The following ZFPM2 variants were observed in gnomAD, a reference collection of about 807,000 sequenced individuals.
ZFPM2 encodes the protein zinc finger protein, FOG family member 2.
A neutral mutation model predicts 98.6 loss-of-function variants in ZFPM2; 20 were observed. The observed-to-expected ratio is 0.20, with a 90% CI of 0.14 to 0.29. The LOEUF (loss-of-function observed/expected upper bound fraction) is 0.29, where lower values mean the gene tolerates loss of function less well. Among genes scored for constraint, ZFPM2 ranks in the 10% least tolerant of loss-of-function variants. The probability of loss-of-function intolerance (pLI) is 1.00; values close to 1 mark genes in which losing one functional copy is unlikely to be tolerated. For missense variants in ZFPM2, 1,310 were observed against 1,388.6 expected (o/e 0.94, Z 0.90); for synonymous variants, 518 against 502.7 (o/e 1.03, Z -0.41).
At chr8:105,706,106 G>A (rs1811253696) in intron 5 of ZFPM2, among the ~76,000 whole-genome samples, 1 of 152,042 alleles carries the variant, frequency 6.6e-6, no homozygotes. Context: ...CTAAGTCTTA[G>A]GGACATTAAA....
intron 3 of ZFPM2, among the ~76,000 whole-genome samples, chr8:105,453,478 A>G (rs1054688087): frequency 2.6e-5 from 4 of 152,134 alleles, no homozygotes; most frequent in African/African-American, 9.7e-5. Flanking sequence ...TATTTTTTAT[A>G]CTTTAATATG....
intron 5 of ZFPM2, among the ~76,000 whole-genome samples, chr8:105,638,900 C>T (rs1816899025): frequency 6.6e-6 from 1 of 152,038 alleles, no homozygotes; most frequent in Non-Finnish European, 1.5e-5. Flanking sequence ...TTGGCATTAA[C>T]ATTCGAATCT....
chr8:105,700,595 T>A (rs562291431), intron 5 of ZFPM2, among the ~76,000 whole-genome samples: 12 of 131,550 alleles, frequency 9.1e-5, no homozygotes, highest in Admixed American at 1.5e-4. Context: ...TGTTTGATTG[T>A]TTGTTTGTTT....
intron 5 of ZFPM2, among the ~76,000 whole-genome samples, chr8:105,660,994 G>A (rs905666740): frequency 2.6e-5 from 4 of 152,142 alleles, no homozygotes; most frequent in African/African-American, 7.2e-5. Flanking sequence ...ACACCAGCAG[G>A]TGGGCTGGGG....
chr8:105,519,553 T>C (rs1814006910), intron 3 of ZFPM2, among the ~76,000 whole-genome samples: 1 of 152,192 alleles, frequency 6.6e-6, no homozygotes, highest in Non-Finnish European at 1.5e-5. Flanking sequence ...TCCTGGATTT[T>C]CATATACTTG....
chr8:105,750,828 A>G (rs1586238332), intron 5 of ZFPM2, among the ~76,000 whole-genome samples: 1 of 152,068 alleles, frequency 6.6e-6, no homozygotes, highest in East Asian at 1.9e-4. Flanking sequence ...TAAATGTAAG[A>G]AATCCAGTTT....
At chr8:105,508,220 T>C (rs1228831397) in intron 3 of ZFPM2, among the ~76,000 whole-genome samples, 2 of 152,162 alleles carry the variant, frequency 1.3e-5, no homozygotes, top group African/African-American at 4.8e-5. Flanking sequence ...GAGGTCCTTC[T>C]GGCAGCTGCT....
intron 5 of ZFPM2, among the ~76,000 whole-genome samples, chr8:105,673,256 A>C (rs1442607951): frequency 6.9e-6 from 1 of 145,658 alleles, no homozygotes; most frequent in African/African-American, 2.6e-5. Context: ...GTAACAATCA[A>C]GTCTCATTTT....
In ZFPM2 at chr8:105,534,033, TC is replaced by T. The variant is rs1341672017; in HGVS notation, c.302-27327del. Among the ~76,000 whole-genome samples, 2 of 29,930 alleles carry T rather than the reference TC, an allele frequency of 6.7e-5. 1 individual carries two copies. The highest frequency in any genetic ancestry group is 3.5e-4 in the African/African-American group (2 of 5,642). 19.6% of individuals were successfully genotyped at this position (29,930 alleles called of 152,430 possible). On this transcript the variant is annotated intron_variant, in intron 3 of 7. Coordinates refer to ENST00000407775, the MANE Select transcript of ZFPM2 (RefSeq NM_012082.4). ...CTTCCTCCCTTCTTCCCTTCCTCCCTCCCTCCCTCCCTTCCTCCCTTCCTCC... is the reference window on the plus strand; with the variant it reads ...CTTCCTCCCTTCTTCCCTTCCTCCCTCCTCCCTCCCTTCCTCCCTTCCTCC...
intron 5 of ZFPM2, among the ~76,000 whole-genome samples, chr8:105,683,339 A>G (rs1403486324): frequency 6.6e-6 from 1 of 152,170 alleles, no homozygotes; most frequent in Non-Finnish European, 1.5e-5. Flanking sequence ...CAAACTGCCG[A>G]TAAGCTCCCA....
At chr8:105,594,222 G>C (rs1382273275) in intron 4 of ZFPM2, among the ~76,000 whole-genome samples, 1 of 152,050 alleles carries the variant, frequency 6.6e-6, no homozygotes, top group African/African-American at 2.4e-5. Flanking sequence ...TTTCAAGACA[G>C]TAACTCTTCA....
chr8:105,403,036 G>A (rs1811371215), intron 1 of ZFPM2, among the ~76,000 whole-genome samples: 1 of 151,906 alleles, frequency 6.6e-6, no homozygotes, highest in South Asian at 2.1e-4. Context: ...TATTTTGGTA[G>A]AGTGCTAGTT....
intron 1 of ZFPM2, among the ~76,000 whole-genome samples, chr8:105,372,160 A>G (rs1223869947): frequency 2.6e-5 from 4 of 151,882 alleles, no homozygotes; most frequent in Non-Finnish European, 4.4e-5. Context: ...CTCCTGCCTC[A>G]GCCTCCCAGG....
At chr8:105,442,963 A>T (rs1423898924) in intron 2 of ZFPM2, among the ~76,000 whole-genome samples, 1 of 151,976 alleles carries the variant, frequency 6.6e-6, no homozygotes. Flanking sequence ...ACTGGAAAAT[A>T]GTTATTGGAT....
intron 5 of ZFPM2, among the ~76,000 whole-genome samples, chr8:105,786,386 G>T (rs1180197368): frequency 1.3e-5 from 2 of 152,122 alleles, no homozygotes; most frequent in African/African-American, 4.8e-5. Context: ...TCTAATTGTA[G>T]AGCTGCATGT....
At chr8:105,595,954 C>T (rs1815960205) in intron 4 of ZFPM2, among the ~76,000 whole-genome samples, 1 of 147,730 alleles carries the variant, frequency 6.8e-6, no homozygotes, top group Non-Finnish European at 1.5e-5. Flanking sequence ...ATTTCAAAAC[C>T]ATATAAACTG....
chr8:105,424,788 CCTT>C (rs1044952195), intron 2 of ZFPM2, among the ~76,000 whole-genome samples: 2 of 152,162 alleles, frequency 1.3e-5, no homozygotes, highest in Non-Finnish European at 2.9e-5. Context: ...TTTTGCCAGA[CCTT>C]CTTCTCAGAA....
intron 3 of ZFPM2, among the ~76,000 whole-genome samples, chr8:105,519,727 A>G (rs1252726792): frequency 6.6e-6 from 1 of 152,104 alleles, no homozygotes; most frequent in African/African-American, 2.4e-5. Context: ...CATGCAATAT[A>G]GGAACACTTG....
intron 2 of ZFPM2, among the ~76,000 whole-genome samples, chr8:105,421,089 G>T (rs567366532): frequency 6.6e-6 from 1 of 152,188 alleles, no homozygotes; most frequent in African/African-American, 2.4e-5. Flanking sequence ...TATGGCAAAT[G>T]CTTACATGAG....
Sources: allele counts gnomAD v4.1 joint callset (sites outside exome capture counted in the v4.1 genomes callset), GRCh38; gene constraint gnomAD v4.1.1; transcripts MANE v1.5; gene names NCBI Gene and HGNC (gene_info 2026-07-23, HGNC 2026-07-21).